The following DIXDC1 variants were observed in gnomAD, a reference collection of about 807,000 sequenced individuals.
DIXDC1 encodes the protein dixin.
A neutral mutation model predicts 103.1 loss-of-function variants in DIXDC1; 64 were observed. The observed-to-expected ratio is 0.62, with a 90% CI of 0.51 to 0.76. The LOEUF (loss-of-function observed/expected upper bound fraction) is 0.76. DIXDC1 is among the 30% of genes least tolerant of loss of function. DIXDC1 has a pLI of 0.00. For missense variants in DIXDC1, 759 were observed against 834.2 expected (o/e 0.91, Z 1.11); for synonymous variants, 266 against 298.5 (o/e 0.89, Z 1.12).
chr11:111,956,858 T>C (rs587595497), intron 1 of DIXDC1, among the ~76,000 whole-genome samples: 9 of 152,124 alleles, frequency 5.9e-5, no homozygotes, highest in African/African-American at 1.9e-4. Context: ...CATGATATAC[T>C]GATATAAATA....
At chr11:112,013,321 T>TG (rs1403269609) in intron 17 of DIXDC1, among the ~76,000 whole-genome samples, 15,782 of 35,168 alleles carry the variant, frequency 0.45, 2,174 homozygotes, top group East Asian at 0.6. Context: ...GGTCGGGGGG[T>TG]GGGGGTGGGG....
At position 112,016,725 on chromosome 11, in the gene DIXDC1, C is replaced by T; in HGVS notation, c.1791C>T (p.Ser597=). The T allele has an allele frequency of 5.0e-6, 8 of 1,607,912 alleles. No homozygotes were observed. Among genetic ancestry groups the T allele is most frequent in the Admixed American group, 1.7e-5 (1 of 59,172 alleles). ...ACTCACAGAGCTCTCCAACTGTCAG[C>T]AGCACCTGTACTAAAGTGCTCTATT... ...LPHSQSSPTV[S]STCTKVLYFT... Residue 597 remains serine, a synonymous_variant, in exon 18 of 20, where the codon AGC becomes AGT. Coordinates refer to ENST00000440460, the MANE Select transcript of DIXDC1 (RefSeq NM_001037954.4).
At chr11:112,004,944 A>G (rs1192242561) in intron 17 of DIXDC1, among the ~76,000 whole-genome samples, 3 of 151,960 alleles carry the variant, frequency 2.0e-5, no homozygotes, top group Non-Finnish European at 4.4e-5. Flanking sequence ...GTCTTAACAT[A>G]TGTCTGGCAT....
intron 17 of DIXDC1, among the ~76,000 whole-genome samples, chr11:112,007,493 GAC>G (rs56081823): frequency 0.29 from 43,781 of 151,694 alleles, 7,779 homozygotes; most frequent in East Asian, 0.58. Context: ...GCAACCCCAA[GAC>G]ACATAATTAT....
chr11:111,990,439 T>C (rs1018276368), intron 10 of DIXDC1, among the ~76,000 whole-genome samples: 4 of 152,090 alleles, frequency 2.6e-5, no homozygotes, highest in Non-Finnish European at 5.9e-5. Context: ...CTACATCGCT[T>C]TCCCCCACGG....
chr11:111,957,011 AT>A lies in DIXDC1; in HGVS notation c.61-7537del, dbSNP rs200518585. 4.6e-3 allele frequency among the ~76,000 whole-genome samples: 677 copies of A among 147,002 alleles called. 3 individuals carry two copies. Among genetic ancestry groups the A allele is most frequent in the African/African-American group, 0.017 (641 of 36,652 alleles). On this transcript the variant is annotated intron_variant, in intron 1 of 19. Transcript: ENST00000440460. ...GTGAGACTCTGTCTCTATAAAAAAAATAATAATAATAATTAGCTGAGCATGG... is the reference window on the plus strand; with the variant it reads ...GTGAGACTCTGTCTCTATAAAAAAAAAATAATAATAATTAGCTGAGCATGG...
intron 3 of DIXDC1, among the ~76,000 whole-genome samples, chr11:111,973,108 C>G (rs1057236809): frequency 6.6e-6 from 1 of 151,518 alleles, no homozygotes; most frequent in South Asian, 2.1e-4. Context: ...CAGTGGCTCA[C>G]GCCTGTAATC....
chr11:111,942,631 A>G (rs1357362187), intron 1 of DIXDC1, among the ~76,000 whole-genome samples: 1 of 152,220 alleles, frequency 6.6e-6, no homozygotes, highest in Non-Finnish European at 1.5e-5. Flanking sequence ...CTTACCTTGT[A>G]ACATGTACTT....
At chr11:111,990,970 G>T (rs1167317152) in intron 10 of DIXDC1, among the ~76,000 whole-genome samples, 4 of 152,164 alleles carry the variant, frequency 2.6e-5, no homozygotes, top group African/African-American at 9.7e-5. Context: ...CTCCAAAAGT[G>T]CTGGGATTAC....
At chr11:111,930,619 T>A (rs372235127) in intron 2 of DIXDC1, among the ~76,000 whole-genome samples, 30 of 152,284 alleles carry the variant, frequency 2.0e-4, no homozygotes, top group African/African-American at 6.7e-4. Flanking sequence ...ATGGCTGTAA[T>A]TTTCTTAACC....
Position 111,963,869 on chromosome 11 carries a change from C to T in DIXDC1, c.61-680C>T, listed in dbSNP as rs587671267. On this transcript the variant is annotated intron_variant, in intron 1 of 19. Transcript: ENST00000440460. ...CCTCTTAGTCTTCAGTAACATTGCTCACTATAGCCTTTCTTTTTCCTTCTT... is the reference window on the plus strand; with the variant it reads ...CCTCTTAGTCTTCAGTAACATTGCTTACTATAGCCTTTCTTTTTCCTTCTT... Among the ~76,000 whole-genome samples, 57 of 152,302 alleles carry T rather than the reference C, an allele frequency of 3.7e-4. 1 individual carries two copies. Among genetic ancestry groups the T allele is most frequent in the South Asian group, 1.0e-3 (5 of 4,826 alleles).
intron 6 of DIXDC1, among the ~76,000 whole-genome samples, chr11:111,981,539 C>T (rs916978681): frequency 1.3e-5 from 2 of 152,192 alleles, no homozygotes; most frequent in Non-Finnish European, 2.9e-5. Flanking sequence ...GTTACTGAGT[C>T]AAAACTCCTG....
At chr11:111,996,048 A>C (rs1040030345) in intron 16 of DIXDC1, 32 bp from the exon 17 acceptor site, 5 of 1,608,196 alleles carry the variant, frequency 3.1e-6, no homozygotes, top group Non-Finnish European at 4.3e-6. Context: ...CTCATTGATC[A>C]TAACTCTTGT....
chr11:112,006,788 A>C (rs1861252025), intron 17 of DIXDC1, among the ~76,000 whole-genome samples: 1 of 152,204 alleles, frequency 6.6e-6, no homozygotes, highest in Non-Finnish European at 1.5e-5. Flanking sequence ...ATCCACACCA[A>C]AACCTCATCT....
chr11:111,995,465 C>G lies in DIXDC1; in HGVS notation c.1590C>G (p.His530Gln), dbSNP rs782233540. The change falls in exon 16 of 20, where the codon CAC (histidine) becomes CAG (glutamine). Residue 530 changes from histidine (H) to glutamine (Q), a missense_variant. His to Gln is a conservative substitution (Grantham distance 24). Around this residue, in one of 3 missense-constraint regions of DIXDC1, gnomAD observed 657 missense variants for 727.5 expected, o/e 0.90. Transcript: ENST00000440460. ...LRSLRNSFSGHDPQHHTIDSL... is the reference protein window; with the variant it reads ...LRSLRNSFSGQDPQHHTIDSL... The stretch of plus-strand genomic sequence containing the variant: ...GCCTGCGCAACAGCTTCAGTGGCCA[C>G]GATCCTCAGCACCACACTATTGACA... The G allele has an allele frequency of 3.7e-6, 6 of 1,613,892 alleles. No individual in the cohort carries two copies. Among genetic ancestry groups the G allele is most frequent in the Non-Finnish European group, 4.2e-6 (5 of 1,179,902 alleles).
intron 4 of DIXDC1, 22 bp downstream of exon 4, chr11:111,974,276 T>A: frequency 6.3e-7 from 1 of 1,596,016 alleles, no homozygotes; most frequent in South Asian, 1.1e-5. Flanking sequence ...AATCTGGGGG[T>A]GGGAACTGAT....
chr11:111,950,416 A>G (rs1555169797), intron 1 of DIXDC1, among the ~76,000 whole-genome samples: 15 of 16,536 alleles, frequency 9.1e-4, no homozygotes, highest in African/African-American at 4.9e-3. Flanking sequence ...GTAGGTATAT[A>G]TATATATATA....
chr11:111,948,891 TC>T (rs1966687209), intron 1 of DIXDC1, among the ~76,000 whole-genome samples: 1 of 152,114 alleles, frequency 6.6e-6, no homozygotes, highest in Admixed American at 6.6e-5. Flanking sequence ...TCATGATACC[TC>T]CCATTTCCTC....
At chr11:111,955,605 C>T (rs587626415) in intron 1 of DIXDC1, among the ~76,000 whole-genome samples, 33 of 151,680 alleles carry the variant, frequency 2.2e-4, no homozygotes, top group African/African-American at 4.1e-4. Flanking sequence ...GAAGCCAAGG[C>T]GGGTGGATCA....
Sources: gnomAD v4.1 joint callset for allele counts (sites outside exome capture counted in the v4.1 genomes callset) on GRCh38, gnomAD v4.1.1 for gene constraint, gnomAD v4.1.1 regional missense constraint, MANE v1.5 for transcripts, NCBI Gene and HGNC (gene_info 2026-07-23, HGNC 2026-07-21) for gene names.